Variants in TENM2 observed in about 807,000 individuals in gnomAD.
TENM2 encodes teneurin-2.
In TENM2, 52 loss-of-function variants were observed where a neutral mutation model predicts 245.2. The observed-to-expected ratio is 0.21, with a 90% CI of 0.17 to 0.27. The LOEUF is 0.27. Ranked by LOEUF, TENM2 falls within the 10% of genes least tolerant of loss-of-function variation. The probability of loss-of-function intolerance (pLI) is 1.00; values close to 1 mark genes in which losing one functional copy is unlikely to be tolerated. For synonymous variants in TENM2, 1,363 were observed against 1,438.9 expected, an observed-to-expected ratio of 0.95 and a Z score of 1.19; for missense variants, 3,046 against 3,666.8, an observed-to-expected ratio of 0.83 and a Z score of 4.37.
chr5:167,109,305 T>C, the TENM2 span, among the ~76,000 whole-genome samples: 1 of 151,502 alleles, frequency 6.6e-6, no homozygotes, highest in Non-Finnish European at 1.5e-5. Flanking sequence ...TTTGATAAAA[T>C]GGATGCTGAG....
At chr5:168,249,157 A>T (rs1030208636) in intron 27 of TENM2, among the ~76,000 whole-genome samples, 1 of 151,482 alleles carries the variant, frequency 6.6e-6, no homozygotes, top group African/African-American at 2.4e-5. Flanking sequence ...GAACTTGTGT[A>T]GTTATAGTCT....
intron 10 of TENM2, among the ~76,000 whole-genome samples, chr5:168,122,706 G>A (rs1322839477): frequency 1.3e-5 from 2 of 152,042 alleles, no homozygotes; most frequent in Non-Finnish European, 2.9e-5. Context: ...TTGGGGGAGT[G>A]TACCCCTGAT....
At chr5:167,194,657 C>G in the TENM2 span, among the ~76,000 whole-genome samples, 24 of 152,070 alleles carry the variant, frequency 1.6e-4, no homozygotes, top group East Asian at 3.9e-3. Context: ...TTTTGAAGGT[C>G]ACACACTCTA....
At chr5:167,496,373 C>G (rs1489159287) in intron 2 of TENM2, among the ~76,000 whole-genome samples, 1 of 151,980 alleles carries the variant, frequency 6.6e-6, no homozygotes, top group Non-Finnish European at 1.5e-5. Context: ...TCTGTAGGTT[C>G]GGATGGATTT....
At chr5:168,210,401 T>C (rs1433334974) in intron 19 of TENM2, among the ~76,000 whole-genome samples, 2 of 152,130 alleles carry the variant, frequency 1.3e-5, no homozygotes, top group Non-Finnish European at 2.9e-5. Context: ...TTTTACAAAA[T>C]CTTGACTTTA....
chr5:168,048,808 G>A (rs930326627), intron 6 of TENM2, among the ~76,000 whole-genome samples: 3 of 152,098 alleles, frequency 2.0e-5, no homozygotes, highest in Non-Finnish European at 2.9e-5. Flanking sequence ...TTTAAGAATC[G>A]CTGTACTCAT....
At chr5:167,697,912 T>G (rs1220251694) in intron 2 of TENM2, among the ~76,000 whole-genome samples, 1 of 152,202 alleles carries the variant, frequency 6.6e-6, no homozygotes, top group Non-Finnish European at 1.5e-5. Flanking sequence ...ATGCTTAGGT[T>G]ATTTAACAAA....
chr5:167,385,266 T>A (rs532563581), intron 2 of TENM2, among the ~76,000 whole-genome samples: 2 of 152,276 alleles, frequency 1.3e-5, no homozygotes, highest in East Asian at 3.9e-4. Flanking sequence ...CATATTCTCA[T>A]GCAATTTGTT....
At chr5:167,143,787 A>G in the TENM2 span, among the ~76,000 whole-genome samples, 3 of 152,204 alleles carry the variant, frequency 2.0e-5, no homozygotes, top group African/African-American at 4.8e-5. Context: ...ATGGATGACC[A>G]CTGCGCTTTT....
At chr5:167,198,640 C>G in the TENM2 span, among the ~76,000 whole-genome samples, 1 of 152,016 alleles carries the variant, frequency 6.6e-6, no homozygotes, top group Admixed American at 6.6e-5. Flanking sequence ...GATTCTGTGT[C>G]CCTTACTTTG....
the TENM2 span, among the ~76,000 whole-genome samples, chr5:167,024,274 G>A: frequency 6.6e-6 from 1 of 152,084 alleles, no homozygotes; most frequent in African/African-American, 2.4e-5. Flanking sequence ...AAAGCATTGT[G>A]CTTACAATTT....
intron 20 of TENM2, among the ~76,000 whole-genome samples, chr5:168,212,839 T>C (rs1762893050): frequency 6.6e-6 from 1 of 152,168 alleles, no homozygotes; most frequent in Non-Finnish European, 1.5e-5. Context: ...GACGTGAGTT[T>C]CTCTGCAAGC....
intron 6 of TENM2, among the ~76,000 whole-genome samples, chr5:168,052,426 A>ATG (rs1459595539): frequency 1.3e-5 from 2 of 151,788 alleles, no homozygotes; most frequent in Admixed American, 1.3e-4. Flanking sequence ...ACACATATAT[A>ATG]TGTGTATGTA....
intron 2 of TENM2, among the ~76,000 whole-genome samples, chr5:167,820,259 T>C (rs961640937): frequency 1.3e-5 from 2 of 152,186 alleles, no homozygotes; most frequent in Admixed American, 1.3e-4. Context: ...GAGAAATATA[T>C]GTGGGAACAG....
intron 3 of TENM2, among the ~76,000 whole-genome samples, chr5:167,909,698 T>A (rs888723806): frequency 2.6e-5 from 4 of 152,240 alleles, no homozygotes. Context: ...ACCCAAAGTT[T>A]AGAGGACTGT....
At chr5:167,542,845 A>C (rs1051000701) in intron 2 of TENM2, among the ~76,000 whole-genome samples, 7 of 152,144 alleles carry the variant, frequency 4.6e-5, no homozygotes, top group African/African-American at 1.7e-4. Context: ...TGGACGTCAC[A>C]GTTATTTCTT....
chr5:167,072,627 A>G, the TENM2 span, among the ~76,000 whole-genome samples: 1 of 152,210 alleles, frequency 6.6e-6, no homozygotes, highest in South Asian at 2.1e-4. Context: ...AACAATTTCT[A>G]TGAAATAGGG....
At position 167,418,190 on chromosome 5, in the gene TENM2, G is replaced by A. The variant is rs557194476; in HGVS notation, c.502+42717G>A. On this transcript the variant is annotated intron_variant, in intron 2 of 28. Transcript: ENST00000518659. ...AATAAAAATACAAAATTAGCAGGGTGTGGTGGCACATGCCTGTAATCCCAG... is the reference window on the plus strand; with the variant it reads ...AATAAAAATACAAAATTAGCAGGGTATGGTGGCACATGCCTGTAATCCCAG... Among the ~76,000 whole-genome samples, 130 of 152,176 alleles carry A rather than the reference G, an allele frequency of 8.5e-4. 1 individual carries two copies. Among genetic ancestry groups the A allele is most frequent in the Admixed American group, 1.9e-3 (29 of 15,282 alleles).
intron 5 of TENM2, among the ~76,000 whole-genome samples, chr5:167,997,430 G>A (rs1784136253): frequency 6.6e-6 from 1 of 152,134 alleles, no homozygotes; most frequent in African/African-American, 2.4e-5. Flanking sequence ...AGAAACTATA[G>A]CCCCTCCGCA....
Sources: allele counts gnomAD v4.1 joint callset (sites outside exome capture counted in the v4.1 genomes callset), GRCh38; gene constraint gnomAD v4.1.1; transcripts MANE v1.5; gene names NCBI Gene and HGNC (gene_info 2026-07-23, HGNC 2026-07-21).